KDM2B: variants seen among roughly 807,000 people sequenced by gnomAD.
The protein encoded by KDM2B is lysine demethylase 2B.
KDM2B carries 26 observed loss-of-function variants against 150.0 expected under a neutral mutation model. The ratio of observed to expected loss-of-function variants is 0.17; its 90% CI spans 0.13 to 0.24. The LOEUF (loss-of-function observed/expected upper bound fraction) is 0.24. KDM2B is among the 10% of genes least tolerant of loss of function. The pLI is 1.00. For missense variants in KDM2B, 1,265 were observed against 1,816.9 expected, an observed-to-expected ratio of 0.70 and a Z score of 5.52; for synonymous variants, 734 against 729.5, an observed-to-expected ratio of 1.01 and a Z score of -0.10.
At chr12:121,545,259 G>T (rs1334579369) in intron 6 of KDM2B, among the ~76,000 whole-genome samples, 1 of 152,080 alleles carries the variant, frequency 6.6e-6, no homozygotes, top group Non-Finnish European at 1.5e-5. Flanking sequence ...TTCCTAACGA[G>T]GTTCGAATCC....
chr12:121,508,336 C>T (rs1885280441), intron 11 of KDM2B, among the ~76,000 whole-genome samples: 1 of 152,196 alleles, frequency 6.6e-6, no homozygotes. Context: ...ATCCATCTGC[C>T]TCAGCTTCCC....
At chr12:121,471,167 A>C (rs190179879) in intron 12 of KDM2B, among the ~76,000 whole-genome samples, 1 of 152,090 alleles carries the variant, frequency 6.6e-6, no homozygotes, top group Non-Finnish European at 1.5e-5. Flanking sequence ...TAGCATGTAC[A>C]CTGTGCTTTT....
chr12:121,412,080 G>T, the KDM2B span, among the ~76,000 whole-genome samples: 5 of 151,890 alleles, frequency 3.3e-5, no homozygotes, highest in Middle Eastern at 3.4e-3. Context: ...AATTTTTTTT[G>T]AGATGGAGTC....
chr12:121,478,440 A>G (rs1593886881), intron 12 of KDM2B, among the ~76,000 whole-genome samples: 4 of 147,474 alleles, frequency 2.7e-5, no homozygotes, highest in Admixed American at 2.0e-4. Context: ...GCTCACTGCA[A>G]CCTCCGCCTC....
chr12:121,504,970 A>G (rs1213082948), intron 11 of KDM2B, among the ~76,000 whole-genome samples: 1 of 152,082 alleles, frequency 6.6e-6, no homozygotes, highest in Non-Finnish European at 1.5e-5. Flanking sequence ...CAAAAAAATT[A>G]GCTGGGCGTT....
intron 10 of KDM2B, among the ~76,000 whole-genome samples, chr12:121,512,919 A>G (rs1885714365): frequency 6.6e-6 from 1 of 152,258 alleles, no homozygotes; most frequent in Admixed American, 6.5e-5. Context: ...CCTCCAGTGC[A>G]GGAGGAAAAA....
intron 8 of KDM2B, among the ~76,000 whole-genome samples, chr12:121,522,953 G>A (rs1385109171): frequency 6.6e-6 from 1 of 152,224 alleles, no homozygotes; most frequent in Non-Finnish European, 1.5e-5. Context: ...CTGGGAGAAA[G>A]CCCCTCATTC....
intron 6 of KDM2B, among the ~76,000 whole-genome samples, chr12:121,546,787 G>A (rs529115898): frequency 2.7e-4 from 40 of 150,700 alleles, no homozygotes; most frequent in African/African-American, 9.5e-4. Context: ...CTCACTGTAA[G>A]CTCCATCTCC....
rs1555288421 is a variant in KDM2B at position 121,442,139 on chromosome 12, AC to A, written c.3284+17del. ...CGCCTGAGCCTTAACCTAGAGCCCT[AC>A]ACAGGCCGCCGCTCACCAGCGGTTC... On this transcript the variant is annotated intron_variant, in intron 19 of 22. Transcript: ENST00000377071. The surrounding 1 kb of genome is among the most constrained non-coding windows in gnomAD (Gnocchi z 7.7). The A allele has an allele frequency of 4.3e-6, 7 of 1,611,080 alleles. No individual in the cohort carries two copies. Among genetic ancestry groups the A allele is most frequent in the Non-Finnish European group, 5.9e-6 (7 of 1,178,038 alleles).
At chr12:121,519,119 G>T (rs1555305496) in intron 9 of KDM2B, among the ~76,000 whole-genome samples, 1 of 152,140 alleles carries the variant, frequency 6.6e-6, no homozygotes, top group East Asian at 1.9e-4. Flanking sequence ...ATCTGCAGAG[G>T]TACACATGCC....
intron 13 of KDM2B, among the ~76,000 whole-genome samples, chr12:121,449,672 G>A (rs912442338): frequency 1.2e-4 from 18 of 152,312 alleles, no homozygotes; most frequent in African/African-American, 4.1e-4. Context: ...AGGTGACACC[G>A]TTCTAAAAAC....
chr12:121,501,857 A>G (rs1884595185), intron 11 of KDM2B, among the ~76,000 whole-genome samples: 1 of 152,042 alleles, frequency 6.6e-6, no homozygotes. Context: ...TCCTGACCTC[A>G]TGATCCGCCC....
chr12:121,557,428 C>T (rs1009889934), intron 4 of KDM2B, among the ~76,000 whole-genome samples: 2 of 151,836 alleles, frequency 1.3e-5, no homozygotes, highest in Admixed American at 6.6e-5. Flanking sequence ...TTAGTAGAGA[C>T]GGGGTTTCAC....
the KDM2B span, among the ~76,000 whole-genome samples, chr12:121,410,612 C>T: frequency 6.6e-6 from 1 of 152,064 alleles, no homozygotes; most frequent in African/African-American, 2.4e-5. Flanking sequence ...AGGGGCTTCC[C>T]CTGCTTCAAA....
chr12:121,425,290 G>A (rs1182844549), downstream of KDM2B, among the ~76,000 whole-genome samples: 3 of 98,320 alleles, frequency 3.1e-5, no homozygotes, highest in South Asian at 3.7e-4. Context: ...GCTGGGCGAC[G>A]AGCGAAACTC....
In KDM2B at chr12:121,441,155, G is replaced by A. The variant is rs533736001; in HGVS notation, c.3363C>T (p.Ile1121=). 1.2e-4 allele frequency: 201 copies of A among 1,614,214 alleles called. No homozygotes were observed. The South Asian group carries it at 2.1e-3, about 17-fold the overall frequency. Residue 1121 remains isoleucine, a synonymous_variant, in exon 20 of 23, where the codon ATC becomes ATT. Coordinates refer to ENST00000377071, the MANE Select transcript of KDM2B (RefSeq NM_032590.5). ...KSITPLMLSG[I]IRRQPVSLDL... ...CGAGGGAGACGGGCTGTCGCCGGAT[G>A]ATGCCACTCAGCATCAGGGGTGTGA...
intron 11 of KDM2B, among the ~76,000 whole-genome samples, chr12:121,498,960 C>T (rs1327706894): frequency 2.0e-5 from 3 of 151,998 alleles, no homozygotes; most frequent in African/African-American, 7.2e-5. Flanking sequence ...AAAGAATGCA[C>T]CACCACGACC....
chr12:121,580,699 A>C, intron 1 of KDM2B, 87 bp downstream of exon 1: 27 of 1,424,724 alleles, frequency 1.9e-5, no homozygotes, highest in Admixed American at 4.5e-5. Flanking sequence ...GGCACCCCCA[A>C]AAACGACCCC....
Position 121,453,065 on chromosome 12 carries a change from G to T in KDM2B, c.1959+55C>A. 6.9e-7 allele frequency: 1 copy of T among 1,444,604 alleles called. No homozygotes were observed. The highest frequency in any genetic ancestry group is 1.3e-5 in the South Asian group (1 of 76,724). 89.5% of individuals were successfully genotyped at this position (1,444,604 alleles called of 1,614,324 possible). ...AGAGCGAGCAGCGGTCAGACACGCG[G>T]GCCGGCACGCAGGGGCCTGAATCGA... On this transcript the variant is annotated intron_variant, in intron 13 of 22. Coordinates refer to ENST00000377071, the MANE Select transcript of KDM2B (RefSeq NM_032590.5). The surrounding 1 kb of genome is among the most constrained non-coding windows in gnomAD (Gnocchi z 6.4).
Sources: gnomAD v4.1 joint callset for allele counts (sites outside exome capture counted in the v4.1 genomes callset) on GRCh38, gnomAD v4.1.1 for gene constraint, Gnocchi (gnomAD v3.1) non-coding constraint, MANE v1.5 for transcripts, NCBI Gene and HGNC (gene_info 2026-07-23, HGNC 2026-07-21) for gene names.